LRRTM4: variants seen among roughly 807,000 people sequenced by gnomAD.
LRRTM4 encodes the protein leucine-rich repeat transmembrane neuronal protein 4.
LRRTM4 carries 25 observed loss-of-function variants against 47.6 expected under a neutral mutation model. The observed-to-expected ratio is 0.53, with a 90% CI of 0.38 to 0.73. The LOEUF is 0.73. Ranked by LOEUF, LRRTM4 falls within the 30% of genes least tolerant of loss-of-function variation. The pLI, the probability that LRRTM4 is intolerant of heterozygous loss-of-function variation, is 0.00. For missense variants in LRRTM4, 638 were observed against 713.4 expected (o/e 0.89, Z 1.20); for synonymous variants, 311 against 269.5 (o/e 1.15, Z -1.51).
intron 3 of LRRTM4, among the ~76,000 whole-genome samples, chr2:77,117,242 C>T (rs1219241229): frequency 6.6e-6 from 1 of 151,776 alleles, no homozygotes; most frequent in Non-Finnish European, 1.5e-5. Context: ...TTTCAAATAT[C>T]TATAATTGTA....
chr2:77,447,575 C>A (rs571152018), intron 3 of LRRTM4, among the ~76,000 whole-genome samples: 2 of 152,282 alleles, frequency 1.3e-5, no homozygotes, highest in Admixed American at 6.5e-5. Flanking sequence ...TTCAACCATT[C>A]TAACATCTGC....
intron 3 of LRRTM4, among the ~76,000 whole-genome samples, chr2:77,014,466 C>T (rs1301339921): frequency 6.8e-6 from 1 of 147,904 alleles, no homozygotes; most frequent in Non-Finnish European, 1.5e-5. Flanking sequence ...TGACTATTCT[C>T]ATAAAAAGCA....
chr2:76,908,749 T>A (rs1404499190), intron 3 of LRRTM4, among the ~76,000 whole-genome samples: 7 of 151,882 alleles, frequency 4.6e-5, no homozygotes, highest in Non-Finnish European at 1.0e-4. Context: ...CACAATTGCT[T>A]CAAAGAGAAT....
intron 3 of LRRTM4, among the ~76,000 whole-genome samples, chr2:77,495,111 C>A (rs1368660785): frequency 6.6e-6 from 1 of 152,024 alleles, no homozygotes; most frequent in Non-Finnish European, 1.5e-5. Flanking sequence ...TATGTTCTTT[C>A]ATGCACAAGT....
At chr2:77,145,055 T>C (rs1468862193) in intron 3 of LRRTM4, among the ~76,000 whole-genome samples, 3 of 152,070 alleles carry the variant, frequency 2.0e-5, no homozygotes, top group Non-Finnish European at 4.4e-5. Context: ...AACAGCAAGT[T>C]AAAATGTATT....
intron 3 of LRRTM4, among the ~76,000 whole-genome samples, chr2:76,774,010 G>C (rs760242488): frequency 1.3e-5 from 2 of 151,910 alleles, no homozygotes; most frequent in Non-Finnish European, 2.9e-5. Flanking sequence ...GCGGATGAAA[G>C]ACACCACAGT....
chr2:76,989,599 G>A (rs1371751713), intron 3 of LRRTM4, among the ~76,000 whole-genome samples: 2 of 151,780 alleles, frequency 1.3e-5, no homozygotes, highest in South Asian at 2.1e-4. Flanking sequence ...TCTTTGCAAT[G>A]AATAGTTAGC....
intron 3 of LRRTM4, among the ~76,000 whole-genome samples, chr2:77,333,209 G>C (rs889918547): frequency 6.6e-6 from 1 of 152,180 alleles, no homozygotes; most frequent in Non-Finnish European, 1.5e-5. Flanking sequence ...TAACAGCAGA[G>C]TGAAAGGAAA....
At chr2:77,362,995 A>G (rs1046142726) in intron 3 of LRRTM4, among the ~76,000 whole-genome samples, 9 of 152,212 alleles carry the variant, frequency 5.9e-5, no homozygotes, top group African/African-American at 1.9e-4. Flanking sequence ...CCATATGGGT[A>G]GTATTACTGT....
intron 3 of LRRTM4, among the ~76,000 whole-genome samples, chr2:77,362,113 GAGAGAAAGAA>G (rs1672239466): frequency 2.2e-5 from 3 of 136,194 alleles, no homozygotes; most frequent in African/African-American, 7.8e-5. Context: ...AAGAAAGAAA[GAGAGAAAGAA>G]AGAAAGAAAG....
intron 3 of LRRTM4, among the ~76,000 whole-genome samples, chr2:76,794,058 A>G (rs532036265): frequency 2.6e-5 from 4 of 152,326 alleles, no homozygotes; most frequent in Admixed American, 2.6e-4. Context: ...CCAACCAGGA[A>G]CTAAGAATTG....
chr2:77,025,966 C>T (rs12713891), intron 3 of LRRTM4, among the ~76,000 whole-genome samples: 45,367 of 151,998 alleles, frequency 0.3, 7,088 homozygotes, highest in East Asian at 0.55. Flanking sequence ...TCATGGGACA[C>T]GATTGCACAT....
intron 3 of LRRTM4, among the ~76,000 whole-genome samples, chr2:77,285,502 G>T (rs1456757002): frequency 6.6e-6 from 1 of 151,800 alleles, no homozygotes; most frequent in Non-Finnish European, 1.5e-5. Flanking sequence ...AGCACTTTGG[G>T]AGACTGAGGC....
Position 77,139,135 on chromosome 2 carries a change from C to T in LRRTM4, c.1551+379183G>A, listed in dbSNP as rs190471019. On this transcript the variant is annotated intron_variant, in intron 3 of 3. Coordinates refer to ENST00000409884, the MANE Select transcript of LRRTM4 (RefSeq NM_001134745.3). ...CTAACACATTTTATGAGGCCAGCAT[C>T]GTCCTGATACCAAAGGCTGACAGAG... Among the ~76,000 whole-genome samples the T allele has an allele frequency of 1.9e-3, 294 of 152,162 alleles. 3 individuals are homozygous for T. In the East Asian group the frequency reaches 0.019, roughly 10 times the overall value.
intron 3 of LRRTM4, among the ~76,000 whole-genome samples, chr2:77,074,615 T>C (rs1245633681): frequency 6.6e-6 from 1 of 152,148 alleles, no homozygotes; most frequent in East Asian, 1.9e-4. Flanking sequence ...GCTGGATATA[T>C]TTTTTATCAC....
chr2:77,308,114 T>C (rs1677343506), intron 3 of LRRTM4, among the ~76,000 whole-genome samples: 1 of 139,654 alleles, frequency 7.2e-6, no homozygotes, highest in South Asian at 2.2e-4. Context: ...TGTTATATAT[T>C]ATTTATATAT....
intron 3 of LRRTM4, among the ~76,000 whole-genome samples, chr2:77,388,445 T>G (rs924850512): frequency 1.3e-5 from 2 of 152,148 alleles, no homozygotes; most frequent in Non-Finnish European, 2.9e-5. Flanking sequence ...CTGAGAGAGC[T>G]TCTCACTTTC....
intron 3 of LRRTM4, among the ~76,000 whole-genome samples, chr2:76,966,608 G>T (rs926940478): frequency 6.6e-6 from 1 of 151,378 alleles, no homozygotes; most frequent in Non-Finnish European, 1.5e-5. Context: ...TCCATCCTTT[G>T]TAAGTAATTT....
chr2:77,078,391 C>T (rs1252029733), intron 3 of LRRTM4, among the ~76,000 whole-genome samples: 3 of 136,444 alleles, frequency 2.2e-5, no homozygotes, highest in South Asian at 4.7e-4. Flanking sequence ...CACACACACA[C>T]ACACACACAC....
Sources: gnomAD v4.1 joint callset for allele counts (sites outside exome capture counted in the v4.1 genomes callset) on GRCh38, gnomAD v4.1.1 for gene constraint, MANE v1.5 for transcripts, NCBI Gene and HGNC (gene_info 2026-07-23, HGNC 2026-07-21) for gene names.